ZNF787: variants seen among roughly 807,000 people sequenced by gnomAD.
The protein encoded by ZNF787 is TTF-I-interacting peptide 20.
Under a neutral mutation model 16.9 loss-of-function variants are expected in ZNF787, and 7 were observed. That is an observed-to-expected ratio of 0.42 (90% confidence interval 0.24 to 0.78). The LOEUF is 0.78. ZNF787 is among the 30% of genes least tolerant of loss of function. The pLI, the probability that ZNF787 is intolerant of heterozygous loss-of-function variation, is 0.30. For synonymous variants in ZNF787, 345 were observed against 270.9 expected, an observed-to-expected ratio of 1.27 and a Z score of -2.69; for missense variants, 551 against 589.3, an observed-to-expected ratio of 0.94 and a Z score of 0.67.
At chr19:56,115,328 C>A (rs1043286985) in intron 1 of ZNF787, among the ~76,000 whole-genome samples, 5 of 151,436 alleles carry the variant, frequency 3.3e-5, no homozygotes, top group African/African-American at 4.9e-5. Context: ...TCTCTAGAGG[C>A]CGGCCGCGGC....
intron 2 of ZNF787, chr19:56,101,527 G>C (rs750410759): frequency 2.6e-5 from 4 of 152,272 alleles, no homozygotes; most frequent in Non-Finnish European, 5.9e-5. Context: ...CTTACTCAAA[G>C]ACAAGCATTT....
chr19:56,120,247 G>A (rs1358854071), intron 1 of ZNF787, among the ~76,000 whole-genome samples: 2 of 152,282 alleles, frequency 1.3e-5, no homozygotes, highest in Non-Finnish European at 1.5e-5. Flanking sequence ...TGCCTTCTGT[G>A]TCTGTGGGTC....
chr19:56,120,352 G>A (rs1200803086), intron 1 of ZNF787, among the ~76,000 whole-genome samples: 1 of 152,180 alleles, frequency 6.6e-6, no homozygotes, highest in Non-Finnish European at 1.5e-5. Flanking sequence ...TGTCAGGAGG[G>A]CGGGGCTCCA....
In ZNF787 at chr19:56,087,721, G is replaced by A. The variant is rs973376558; in HGVS notation, c.*302C>T. On this transcript the variant is annotated 3_prime_UTR_variant, in exon 3 of 3. Transcript: ENST00000610935. ...GAGCAGGGAAAATGGCCTTCCGCTT[G>A]GGGCCTGGTCGCCACTCGGCCTCTG... 3 of 260,748 alleles carry A rather than the reference G, an allele frequency of 1.2e-5. No homozygotes were observed. The highest frequency in any genetic ancestry group is 4.5e-5 in the African/African-American group (2 of 44,138). 16.2% of individuals were successfully genotyped at this position (260,748 alleles called of 1,614,324 possible).
chr19:56,091,673 T>C (rs936646392), intron 2 of ZNF787, among the ~76,000 whole-genome samples: 8 of 152,224 alleles, frequency 5.3e-5, no homozygotes, highest in Non-Finnish European at 8.8e-5. Flanking sequence ...CAGGCATCTC[T>C]GCACTACTTT....
At chr19:56,092,030 C>T (rs1316783245) in intron 2 of ZNF787, among the ~76,000 whole-genome samples, 1 of 151,256 alleles carries the variant, frequency 6.6e-6, no homozygotes. Context: ...AAGCCGAAGC[C>T]GAAGCCGAAG....
intron 1 of ZNF787, among the ~76,000 whole-genome samples, chr19:56,105,924 G>A (rs1986288159): frequency 7.6e-6 from 1 of 131,840 alleles, no homozygotes; most frequent in South Asian, 2.4e-4. Context: ...TCCGCCCTCC[G>A]CGCCCACGGC....
intron 2 of ZNF787, among the ~76,000 whole-genome samples, chr19:56,098,016 A>G (rs140289988): frequency 3.9e-5 from 6 of 152,296 alleles, no homozygotes; most frequent in Non-Finnish European, 7.4e-5. Flanking sequence ...ACCCCCGGTC[A>G]GCACCCGAGG....
At chr19:56,090,220 C>T (rs891589074) in intron 2 of ZNF787, among the ~76,000 whole-genome samples, 3 of 152,212 alleles carry the variant, frequency 2.0e-5, no homozygotes, top group African/African-American at 4.8e-5. Flanking sequence ...AGGGCCATGA[C>T]GCCCCCCTGC....
intron 1 of ZNF787, among the ~76,000 whole-genome samples, chr19:56,117,038 C>A (rs2030156501): frequency 6.6e-6 from 1 of 151,484 alleles, no homozygotes; most frequent in Admixed American, 6.6e-5. Flanking sequence ...CCGTTCTGGG[C>A]AGGGCAGGGT....
At position 56,088,086 on chromosome 19, in the gene ZNF787, C is replaced by CA; in HGVS notation, c.1085_1086insT (p.Glu362AspfsTer101). 1 of 1,486,504 alleles carries CA rather than the reference C, an allele frequency of 6.7e-7. No homozygotes were observed. Among genetic ancestry groups the CA allele is most frequent in the Admixed American group, 2.5e-5 (1 of 39,552 alleles). 92.1% of individuals were successfully genotyped at this position (1,486,504 alleles called of 1,614,324 possible). A position where few individuals can be genotyped will look rare whatever the true frequency, so the allele number is the denominator to read the frequency against. On this transcript the variant is annotated frameshift_variant, in exon 3 of 3. Transcript: ENST00000610935. LOFTEE classifies it low-confidence loss of function (END_TRUNC). This position sits in a 1 kb window ranked among gnomAD's most constrained non-coding sequence, Gnocchi z 8.6. The stretch of plus-strand genomic sequence containing the variant: ...CGCCCGCGGCCTCGTCGTCGTCGTC[C>CA]TCCTCCTCCCCGCCCGCGCGGTAGT...
chr19:56,088,409 C>T lies in ZNF787; in HGVS notation c.763G>A (p.Ala255Thr), dbSNP rs1985430465. 7 of 1,121,648 alleles carry T rather than the reference C, an allele frequency of 6.2e-6. No individual in the cohort carries two copies. In the South Asian group the frequency reaches 2.1e-4, roughly 33 times the overall value. The allele number at this position is 1,121,648 out of a possible 1,614,324, so 69.5% of individuals were successfully genotyped here. Residue 255 changes from alanine (A) to threonine (T), a missense_variant, in exon 3 of 3, where the codon GCC becomes ACC. Transcript: ENST00000610935. The surrounding 1 kb of genome is among the most constrained non-coding windows in gnomAD (Gnocchi z 8.6). ...VVGAPGEGAA[A>T]AAAMAGAGAK... The stretch of plus-strand genomic sequence containing the variant: ...CCCGCGCCCGCCATGGCTGCCGCGG[C>T]CGCGGCCCCCTCGCCCGGCGCGCCC...
chr19:56,120,311 T>C (rs1163937164), intron 1 of ZNF787, among the ~76,000 whole-genome samples: 1 of 151,366 alleles, frequency 6.6e-6, no homozygotes, highest in East Asian at 2.0e-4. Context: ...TGAATTGGGG[T>C]CAGCTCCCTG....
intron 2 of ZNF787, among the ~76,000 whole-genome samples, chr19:56,091,913 CAGCCGCAGCCGA>C (rs1302324807): frequency 0.045 from 2,345 of 51,972 alleles, 69 homozygotes; most frequent in African/African-American, 0.14. Flanking sequence ...GCCGCAGCCG[CAGCCGCAGCCGA>C]AGCCGAAGCC....
At chr19:56,113,102 C>G (rs113704093) in intron 1 of ZNF787, among the ~76,000 whole-genome samples, 1 of 152,196 alleles carries the variant, frequency 6.6e-6, no homozygotes, top group African/African-American at 2.4e-5. Flanking sequence ...GCAAAGGATC[C>G]GAGAAAGCAT....
rs150186158 is a variant in ZNF787, at chr19:56,096,069, C to A, written c.80-6977G>T. On this transcript the variant is annotated intron_variant, in intron 2 of 2. Transcript: ENST00000610935. ...GGATACAGGAGATTCAAGGGCCACG[C>A]TGTGGCTGCTCTGCCATCACCCAAC... 9.9e-3 allele frequency among the ~76,000 whole-genome samples: 1,506 copies of A among 152,164 alleles called. 23 individuals are homozygous for A. Among genetic ancestry groups the A allele is most frequent in the African/African-American group, 0.029 (1,205 of 41,512 alleles).
intron 1 of ZNF787, chr19:56,103,615 C>T: frequency 4.6e-6 from 1 of 218,712 alleles, no homozygotes; most frequent in Non-Finnish European, 8.9e-6. Flanking sequence ...AGACAGTGTA[C>T]ATGTGGTGCT....
Position 56,087,937 on chromosome 19 carries a change from C to A in ZNF787, c.*86G>T. 1 of 1,289,352 alleles carries A rather than the reference C, an allele frequency of 7.8e-7. No homozygotes were observed. Among genetic ancestry groups the A allele is most frequent in the Non-Finnish European group, 9.8e-7 (1 of 1,019,168 alleles). 79.9% of individuals were successfully genotyped at this position (1,289,352 alleles called of 1,614,324 possible). Reference sequence around the variant, plus strand: ...CGCGGGGTCCATCGCACCCCGTCCGCTTCTCCCTGGGTCTCTTGGTCTTGC... The same window carrying A: ...CGCGGGGTCCATCGCACCCCGTCCGATTCTCCCTGGGTCTCTTGGTCTTGC... On this transcript the variant is annotated 3_prime_UTR_variant, in exon 3 of 3. Coordinates refer to ENST00000610935, the MANE Select transcript of ZNF787 (RefSeq NM_001002836.4).
chr19:56,117,042 G>A (rs2030156567), intron 1 of ZNF787, among the ~76,000 whole-genome samples: 2 of 152,178 alleles, frequency 1.3e-5, no homozygotes, highest in Admixed American at 1.3e-4. Flanking sequence ...TCTGGGCAGG[G>A]CAGGGTGGGA....
Sources: gnomAD v4.1 joint callset for allele counts (sites outside exome capture counted in the v4.1 genomes callset) on GRCh38, gnomAD v4.1.1 for gene constraint, Gnocchi (gnomAD v3.1) non-coding constraint, MANE v1.5 for transcripts, NCBI Gene and HGNC (gene_info 2026-07-23, HGNC 2026-07-21) for gene names.